Variants in FUT9 observed in about 807,000 individuals in gnomAD.
FUT9 encodes 4-galactosyl-N-acetylglucosaminide 3-alpha-L-fucosyltransferase 9.
FUT9 carries 15 observed loss-of-function variants against 29.7 expected under a neutral mutation model. The ratio of observed to expected loss-of-function variants is 0.51; its 90% confidence interval spans 0.34 to 0.78. The LOEUF is 0.78. FUT9 is among the 30% of genes least tolerant of loss of function. FUT9 has a pLI of 0.01. For synonymous variants in FUT9, 169 were observed against 153.7 expected (o/e 1.10, Z -0.74); for missense variants, 319 against 425.4 (o/e 0.75, Z 2.20).
intron 2 of FUT9, among the ~76,000 whole-genome samples, chr6:96,195,043 A>C (rs1773597691): frequency 6.6e-6 from 1 of 152,160 alleles, no homozygotes; most frequent in Non-Finnish European, 1.5e-5. Context: ...ATCAAACTAA[A>C]AGAGGCTAAT....
chr6:96,140,687 T>G (rs1026393543), intron 2 of FUT9, among the ~76,000 whole-genome samples: 2 of 152,144 alleles, frequency 1.3e-5, no homozygotes, highest in Non-Finnish European at 2.9e-5. Flanking sequence ...AGAACTGCCC[T>G]TTATAAAACC....
At chr6:96,136,212 A>T (rs1772347306) in intron 2 of FUT9, among the ~76,000 whole-genome samples, 1 of 151,840 alleles carries the variant, frequency 6.6e-6, no homozygotes, top group South Asian at 2.1e-4. Context: ...AATGCATTTG[A>T]GGAAAATGTC....
chr6:96,144,061 A>T (rs1188256436), intron 2 of FUT9, among the ~76,000 whole-genome samples: 1 of 152,168 alleles, frequency 6.6e-6, no homozygotes, highest in African/African-American at 2.4e-5. Context: ...TCTCCTGTTT[A>T]CCCTGCTCTT....
chr6:96,170,540 T>C (rs1773093083), intron 2 of FUT9, among the ~76,000 whole-genome samples: 1 of 93,926 alleles, frequency 1.1e-5, no homozygotes. Flanking sequence ...CAGAATAAAA[T>C]CCCTTTCACA....
chr6:96,029,595 G>A (rs565217971), intron 1 of FUT9, among the ~76,000 whole-genome samples: 1 of 151,672 alleles, frequency 6.6e-6, no homozygotes, highest in African/African-American at 2.4e-5. Context: ...CTGTTTCTAG[G>A]TATAAATGAT....
chr6:96,140,539 C>T lies in FUT9; in HGVS notation c.-9+26412C>T, dbSNP rs142225687. Among the ~76,000 whole-genome samples, 154 of 152,204 alleles carry T rather than the reference C, an allele frequency of 1.0e-3. 5 individuals carry two copies. In the South Asian group the frequency reaches 0.016, roughly 16 times the overall value. On this transcript the variant is annotated intron_variant, in intron 2 of 2. Coordinates refer to ENST00000302103, the MANE Select transcript of FUT9 (RefSeq NM_006581.4). ...CACTGCTATGAAGAAATACCTGAGA[C>T]GGGGCAATTTATAAAGAAAAAGAGG...
chr6:96,147,076 G>A (rs1456462662), intron 2 of FUT9, among the ~76,000 whole-genome samples: 3 of 151,756 alleles, frequency 2.0e-5, no homozygotes, highest in Non-Finnish European at 1.5e-5. Context: ...TCACATACAG[G>A]ATAAAGCAAC....
At chr6:96,029,457 A>G (rs766990682) in intron 1 of FUT9, among the ~76,000 whole-genome samples, 112 of 151,646 alleles carry the variant, frequency 7.4e-4, no homozygotes, top group Non-Finnish European at 1.3e-3. Context: ...CAGTCTATTC[A>G]AGCTCGCATC....
At chr6:96,044,656 CT>C (rs1300349064) in intron 1 of FUT9, among the ~76,000 whole-genome samples, 2 of 152,142 alleles carry the variant, frequency 1.3e-5, no homozygotes, top group Non-Finnish European at 2.9e-5. Context: ...TTTTTTCCCC[CT>C]GATTTAAACA....
chr6:96,203,206 T>G lies in FUT9; in HGVS notation c.51T>G (p.Ile17Met). 6.2e-6 allele frequency: 10 copies of G among 1,611,036 alleles called. No individual in the cohort carries two copies. Among genetic ancestry groups the G allele is most frequent in the Non-Finnish European group, 7.6e-6 (9 of 1,177,748 alleles). ...GILRPFLIVCIILGCFMACLL... is the reference protein window; with the variant it reads ...GILRPFLIVCMILGCFMACLL... The stretch of plus-strand genomic sequence containing the variant: ...TTCGCCCATTTTTAATTGTCTGCAT[T>G]ATCCTGGGCTGTTTCATGGCATGTC... The change falls in exon 3 of 3, where the codon ATT becomes ATG. Residue 17 changes from isoleucine to methionine, a missense_variant. Physicochemically the swap from Ile to Met is conservative, Grantham distance 10. Transcript: ENST00000302103.
At chr6:96,170,246 T>C (rs1436246539) in intron 2 of FUT9, among the ~76,000 whole-genome samples, 3 of 152,106 alleles carry the variant, frequency 2.0e-5, no homozygotes, top group Admixed American at 2.0e-4. Context: ...GGTTGCTAAG[T>C]ATATGTAGTT....
At position 96,204,433 on chromosome 6, in the gene FUT9, G is replaced by T; in HGVS notation, c.*198G>T. 1 of 379,758 alleles carries T rather than the reference G, an allele frequency of 2.6e-6. No individual in the cohort carries two copies. Among genetic ancestry groups the T allele is most frequent in the Non-Finnish European group, 4.9e-6 (1 of 204,398 alleles). 23.5% of individuals were successfully genotyped at this position (379,758 alleles called of 1,614,324 possible). ...ATTCCATTCGGTTTTAAATTATCCTGTATATACCTAATTATGTGCACTGGA... is the reference window on the plus strand; with the variant it reads ...ATTCCATTCGGTTTTAAATTATCCTTTATATACCTAATTATGTGCACTGGA... On this transcript the variant is annotated 3_prime_UTR_variant, in exon 3 of 3. Coordinates refer to ENST00000302103, the MANE Select transcript of FUT9 (RefSeq NM_006581.4).
At chr6:96,073,753 A>C (rs770959999) in intron 1 of FUT9, among the ~76,000 whole-genome samples, 1 of 152,152 alleles carries the variant, frequency 6.6e-6, no homozygotes, top group Admixed American at 6.5e-5. Context: ...TGGTGCTTTA[A>C]CAAATTGTTT....
intron 1 of FUT9, among the ~76,000 whole-genome samples, chr6:96,109,179 G>T (rs1771751187): frequency 6.6e-6 from 1 of 152,090 alleles, no homozygotes; most frequent in African/African-American, 2.4e-5. Flanking sequence ...ATGTCATCTG[G>T]TCAGCTGAAT....
intron 2 of FUT9, among the ~76,000 whole-genome samples, chr6:96,174,024 T>G (rs1244498345): frequency 6.6e-6 from 1 of 152,162 alleles, no homozygotes; most frequent in Non-Finnish European, 1.5e-5. Flanking sequence ...CAAGAAGTAT[T>G]TAGGACTTCT....
intron 1 of FUT9, among the ~76,000 whole-genome samples, chr6:96,064,456 C>A (rs1163413713): frequency 2.6e-5 from 4 of 151,844 alleles, no homozygotes; most frequent in Non-Finnish European, 5.9e-5. Context: ...GTAAAGACAG[C>A]AAAGAAAAAA....
intron 1 of FUT9, among the ~76,000 whole-genome samples, chr6:96,052,868 G>A (rs931218664): frequency 2.0e-5 from 3 of 152,038 alleles, no homozygotes. Context: ...GAATAGAAGG[G>A]AAAGCTTAGA....
chr6:96,124,751 C>T (rs6571056), intron 2 of FUT9, among the ~76,000 whole-genome samples: 1,715 of 152,182 alleles, frequency 0.011, 33 homozygotes, highest in African/African-American at 0.04. Flanking sequence ...TGGCTTCTCT[C>T]ATTATACTTC....
At chr6:96,170,961 C>T (rs1773102460) in intron 2 of FUT9, among the ~76,000 whole-genome samples, 1 of 151,942 alleles carries the variant, frequency 6.6e-6, no homozygotes, top group Non-Finnish European at 1.5e-5. Flanking sequence ...GCTTTTTTCC[C>T]CCTTTCTTTC....
Sources: gnomAD v4.1 joint callset for allele counts (sites outside exome capture counted in the v4.1 genomes callset) on GRCh38, gnomAD v4.1.1 for gene constraint, MANE v1.5 for transcripts, NCBI Gene and HGNC (gene_info 2026-07-23, HGNC 2026-07-21) for gene names.